Variants in BBS4 observed in about 807,000 individuals in gnomAD.
BBS4 encodes BBSome complex member BBS4.
Under a neutral mutation model 71.4 loss-of-function variants are expected in BBS4, and 58 were observed. That is an observed-to-expected ratio of 0.81 (90% CI 0.66 to 1.01). The LOEUF (loss-of-function observed/expected upper bound fraction) is 1.01, where lower values mean the gene tolerates loss of function less well. Ranked by LOEUF, BBS4 falls within the 50% of genes least tolerant of loss-of-function variation. BBS4 has a pLI of 0.00. For synonymous variants in BBS4, 228 were observed against 216.8 expected (o/e 1.05, Z -0.46); for missense variants, 660 against 607.9 (o/e 1.09, Z -0.90).
chr15:72,693,778 TAG>T (rs1320031262), intron 1 of BBS4, among the ~76,000 whole-genome samples: 7 of 152,242 alleles, frequency 4.6e-5, no homozygotes, highest in Non-Finnish European at 1.0e-4. Context: ...TCATTTTACT[TAG>T]TACCTGACAC....
At chr15:72,686,349 C>T in intron 1 of BBS4, 98 bp downstream of exon 1, 1 of 1,543,076 alleles carries the variant, frequency 6.5e-7, no homozygotes, top group Non-Finnish European at 8.7e-7. Flanking sequence ...AGAGGCGGAG[C>T]TGGGTGCCGA....
In BBS4 at chr15:72,729,665, A is replaced by G; in HGVS notation, c.692A>G (p.Tyr231Cys). ...AFEHLGNALT[Y>C]DPTNYKAILA... ...GAACATCTTGGCAATGCACTGACTT[A>G]TGACCCTACCAACTACAAGGTATTA... The change falls in exon 10 of 16, where the codon TAT (tyrosine) becomes TGT (cysteine). Residue 231 changes from tyrosine (Y) to cysteine (C), a missense_variant. Tyr to Cys is a radical substitution (Grantham distance 194). Coordinates refer to ENST00000268057, the MANE Select transcript of BBS4 (RefSeq NM_033028.5). 6.2e-7 allele frequency: 1 copy of G among 1,614,086 alleles called. No homozygotes were observed. The highest frequency in any genetic ancestry group is 8.5e-7 in the Non-Finnish European group (1 of 1,179,988).
chr15:72,713,771 G>A (rs2151021518), intron 4 of BBS4, among the ~76,000 whole-genome samples: 1 of 152,276 alleles, frequency 6.6e-6, no homozygotes, highest in Non-Finnish European at 1.5e-5. Context: ...CTGGGCAATA[G>A]GAATTTTTCC....
At chr15:72,719,507 A>G (rs2065527509) in intron 6 of BBS4, among the ~76,000 whole-genome samples, 1 of 152,016 alleles carries the variant, frequency 6.6e-6, no homozygotes, top group South Asian at 2.1e-4. Flanking sequence ...TTAGCTTCCC[A>G]GAGTGCTGGG....
intron 13 of BBS4, 99 bp from the exon 14 acceptor site, chr15:72,735,726 A>G (rs2065908391): frequency 6.8e-7 from 1 of 1,468,812 alleles, no homozygotes; most frequent in South Asian, 1.1e-5. Context: ...AGAAATCTCT[A>G]CTTAACCAGT....
chr15:72,729,634 G>A lies in BBS4; in HGVS notation c.661G>A (p.Ala221Thr). 6.2e-7 allele frequency: 1 copy of A among 1,614,010 alleles called. No individual in the cohort carries two copies. The highest frequency in any genetic ancestry group is 8.5e-7 in the Non-Finnish European group (1 of 1,179,976). ...LYLQLGIYQK[A>T]FEHLGNALTY... is the part of the protein sequence containing the mutation. ...TTCCAAGCTCGGCATTTACCAGAAGGCATTTGAACATCTTGGCAATGCACT... is the reference window on the plus strand; with the variant it reads ...TTCCAAGCTCGGCATTTACCAGAAGACATTTGAACATCTTGGCAATGCACT... The change falls in exon 10 of 16, where the codon GCA becomes ACA. Residue 221 changes from alanine (A) to threonine (T), a missense_variant. Transcript: ENST00000268057.
intron 1 of BBS4, among the ~76,000 whole-genome samples, chr15:72,688,411 C>CTTTT (rs58644289): frequency 0.052 from 4,297 of 82,874 alleles, 735 homozygotes; most frequent in Admixed American, 0.075. Flanking sequence ...GGTATTTTAT[C>CTTTT]TTTTTTTTTT....
intron 1 of BBS4, among the ~76,000 whole-genome samples, chr15:72,693,283 C>T (rs1242101108): frequency 6.6e-6 from 1 of 152,104 alleles, no homozygotes; most frequent in Non-Finnish European, 1.5e-5. Flanking sequence ...TTTGCTTATT[C>T]CACTCCTTTG....
At chr15:72,688,411 C>CCTTTTTTTTTTTTTTTTT (rs2064914934) in intron 1 of BBS4, among the ~76,000 whole-genome samples, 1 of 83,052 alleles carries the variant, frequency 1.2e-5, no homozygotes, top group Non-Finnish European at 2.1e-5. Flanking sequence ...GGTATTTTAT[C>CCTTTTTTTTTTTTTTTTT]TTTTTTTTTT....
intron 2 of BBS4, among the ~76,000 whole-genome samples, chr15:72,696,633 C>T (rs901355920): frequency 6.6e-6 from 1 of 152,200 alleles, no homozygotes; most frequent in Non-Finnish European, 1.5e-5. Context: ...GGGTCTCGCT[C>T]TGTCACCCAA....
chr15:72,723,191 A>G (rs2065607678), intron 7 of BBS4, among the ~76,000 whole-genome samples: 1 of 152,334 alleles, frequency 6.6e-6, no homozygotes, highest in South Asian at 2.1e-4. Flanking sequence ...AGGTGTGATC[A>G]TGACCATGTG....
At chr15:72,730,300 TAAAA>T (rs959979485) in intron 10 of BBS4, among the ~76,000 whole-genome samples, 2 of 141,576 alleles carry the variant, frequency 1.4e-5, no homozygotes, top group African/African-American at 5.4e-5. Flanking sequence ...AAATAAAAAA[TAAAA>T]AAAATAAATC....
At chr15:72,717,735 T>C (rs532140935) in intron 6 of BBS4, among the ~76,000 whole-genome samples, 2 of 152,326 alleles carry the variant, frequency 1.3e-5, no homozygotes, top group African/African-American at 4.8e-5. Context: ...GGTAGGCAAG[T>C]AGATAACTAG....
At position 72,735,873 on chromosome 15, in the gene BBS4, G is replaced by A; in HGVS notation, c.1155G>A (p.Gln385=). The A allele has an allele frequency of 1.2e-6, 2 of 1,614,142 alleles. No homozygotes were observed. The highest frequency in any genetic ancestry group is 1.7e-6 in the Non-Finnish European group (2 of 1,180,036). The change falls in exon 14 of 16, where the codon CAG becomes CAA. Residue 385 remains glutamine (Q), a synonymous_variant. Transcript: ENST00000268057. ...ACTATGCTGTGCTGCTGTACAACCA[G>A]GGCGAGAAGAAGAACGCCCTGGCCC... The part of the protein sequence containing the change: ...NLNYAVLLYN[Q]GEKKNALAQY...
In BBS4 at chr15:72,712,184, T is replaced by C. The variant is rs1201879255; in HGVS notation, c.157-60T>C. The stretch of plus-strand genomic sequence containing the variant: ...ACCTGGCCTGTCCATGTCCACTTTT[T>C]CTTAAAGACACCTGAAGAAACTTAA... On this transcript the variant is annotated intron_variant, in intron 3 of 15. Coordinates refer to ENST00000268057, the MANE Select transcript of BBS4 (RefSeq NM_033028.5). The C allele has an allele frequency of 2.0e-6, 3 of 1,532,930 alleles. No homozygotes were observed. The East Asian group carries it at 6.8e-5, about 35-fold the overall frequency. 95.0% of individuals were successfully genotyped at this position (1,532,930 alleles called of 1,614,324 possible).
rs2065940001 is a variant in BBS4, at chr15:72,737,019, TCAG to T, written c.1450+60_1450+62del. The T allele has an allele frequency of 3.2e-6, 5 of 1,569,128 alleles. No individual in the cohort carries two copies. The South Asian group carries it at 3.3e-5, about 10-fold the overall frequency. The stretch of plus-strand genomic sequence containing the variant: ...GGCAGGTACAAGCCACATGTGTCTG[TCAG>T]CAGAGATTATAGCTTTCAGTGAGGT... On this transcript the variant is annotated intron_variant, in intron 15 of 15. Transcript: ENST00000268057.
intron 8 of BBS4, among the ~76,000 whole-genome samples, chr15:72,727,179 G>C (rs1423076949): frequency 6.6e-6 from 1 of 152,166 alleles, no homozygotes; most frequent in African/African-American, 2.4e-5. Context: ...TCTTCCTATA[G>C]GTAACCAGTG....
intron 8 of BBS4, among the ~76,000 whole-genome samples, chr15:72,727,685 C>G (rs1348292664): frequency 6.6e-6 from 1 of 152,118 alleles, no homozygotes; most frequent in Non-Finnish European, 1.5e-5. Flanking sequence ...TCTATAGGTT[C>G]TTTCTTAGGA....
intron 12 of BBS4, among the ~76,000 whole-genome samples, chr15:72,732,557 GTTC>G (rs1215882153): frequency 1.3e-5 from 2 of 152,010 alleles, no homozygotes; most frequent in Non-Finnish European, 2.9e-5. Context: ...ATTACTGTGG[GTTC>G]TTATTTAAAA....
Sources: gnomAD v4.1 joint callset for allele counts (sites outside exome capture counted in the v4.1 genomes callset) on GRCh38, gnomAD v4.1.1 for gene constraint, MANE v1.5 for transcripts, NCBI Gene and HGNC (gene_info 2026-07-23, HGNC 2026-07-21) for gene names.